The following AK8 variants were observed in gnomAD, a reference collection of about 807,000 sequenced individuals.
AK8 encodes the protein adenylate kinase 8.
In AK8, 44 loss-of-function variants were observed where a neutral mutation model predicts 54.6. The observed-to-expected ratio is 0.81, with a 90% confidence interval of 0.63 to 1.04. The LOEUF is 1.04. AK8 is among the 50% of genes least tolerant of loss of function. The pLI is 0.00. For missense variants in AK8, 555 were observed against 613.6 expected (o/e 0.90, Z 1.01); for synonymous variants, 239 against 245.6 (o/e 0.97, Z 0.25).
At chr9:132,738,438 G>T (rs1837219207) in intron 11 of AK8, among the ~76,000 whole-genome samples, 1 of 152,148 alleles carries the variant, frequency 6.6e-6, no homozygotes, top group South Asian at 2.1e-4. Flanking sequence ...ATTTAAAAAA[G>T]TTTTAAAACC....
At chr9:132,739,143 G>A (rs182751831) in intron 11 of AK8, among the ~76,000 whole-genome samples, 1 of 151,624 alleles carries the variant, frequency 6.6e-6, no homozygotes, top group East Asian at 2.0e-4. Context: ...GAAAAAGACT[G>A]CAACATTAAG....
intron 11 of AK8, among the ~76,000 whole-genome samples, chr9:132,774,403 A>C (rs890460270): frequency 1.3e-5 from 2 of 152,094 alleles, no homozygotes; most frequent in Non-Finnish European, 2.9e-5. Flanking sequence ...TTATATATTA[A>C]ATAATTTCTG....
chr9:132,789,647 A>G (rs1839866595), intron 11 of AK8, among the ~76,000 whole-genome samples: 1 of 150,956 alleles, frequency 6.6e-6, no homozygotes, highest in South Asian at 2.1e-4. Context: ...AAAAAAAGAT[A>G]CTCAAATTTA....
intron 8 of AK8, among the ~76,000 whole-genome samples, chr9:132,823,928 G>A (rs1003866702): frequency 2.0e-5 from 3 of 152,210 alleles, no homozygotes; most frequent in African/African-American, 4.8e-5. Context: ...ACTTTGTTGC[G>A]ACTCTCCAAA....
In AK8 at chr9:132,878,264, C is replaced by T. The variant is rs1423147531; in HGVS notation, c.-9G>A. 7.4e-7 allele frequency: 1 copy of T among 1,356,798 alleles called. No homozygotes were observed. The allele number at this position is 1,356,798 out of a possible 1,614,324, so 84.0% of individuals were successfully genotyped here. On this transcript the variant is annotated 5_prime_UTR_variant, in exon 1 of 13. Coordinates refer to ENST00000298545, the MANE Select transcript of AK8 (RefSeq NM_152572.3). The surrounding 1 kb of genome is among the most constrained non-coding windows in gnomAD (Gnocchi z 4.7). ...GCGATAGTGGCGTCCATGTAGCCGT[C>T]TCGGCTCGCCGCTCCCTAGTAACCG... is the stretch of plus-strand genomic sequence containing the variant.
At chr9:132,855,120 C>T (rs1453605166) in intron 4 of AK8, among the ~76,000 whole-genome samples, 195 bp from the exon 5 acceptor site, 2 of 152,138 alleles carry the variant, frequency 1.3e-5, no homozygotes, top group Non-Finnish European at 2.9e-5. Flanking sequence ...GGGCCTCCCT[C>T]ACACATGTAC....
At chr9:132,818,581 C>G (rs544448126) in intron 9 of AK8, among the ~76,000 whole-genome samples, 1 of 151,774 alleles carries the variant, frequency 6.6e-6, no homozygotes, top group South Asian at 2.1e-4. Context: ...AGAGATATGG[C>G]TAAAAAGGAA....
At chr9:132,829,599 T>TAA (rs35603781) in intron 5 of AK8, among the ~76,000 whole-genome samples, 84 of 148,370 alleles carry the variant, frequency 5.7e-4, no homozygotes, top group East Asian at 3.5e-3. Context: ...CCATTTTTCT[T>TAA]AAAAAAAAAA....
chr9:132,735,150 C>T (rs563959064), intron 11 of AK8, among the ~76,000 whole-genome samples: 1 of 152,314 alleles, frequency 6.6e-6, no homozygotes, highest in East Asian at 1.9e-4. Context: ...GGGGTTCATA[C>T]TCTGTCACTC....
At chr9:132,823,390 C>A (rs889782133) in intron 8 of AK8, 54 bp from the exon 9 acceptor site, 1 of 1,607,510 alleles carries the variant, frequency 6.2e-7, no homozygotes, top group Non-Finnish European at 8.5e-7. Flanking sequence ...AACAGGAAAC[C>A]CGCTTGCAGC....
chr9:132,846,169 T>C (rs923394175), intron 5 of AK8, among the ~76,000 whole-genome samples: 1 of 152,154 alleles, frequency 6.6e-6, no homozygotes, highest in African/African-American at 2.4e-5. Context: ...TTACACGAAA[T>C]AGTACTGTTT....
intron 11 of AK8, among the ~76,000 whole-genome samples, chr9:132,780,341 C>T (rs912363360): frequency 4.6e-5 from 7 of 152,198 alleles, no homozygotes; most frequent in Admixed American, 1.3e-4. Flanking sequence ...GCGCTGAGTG[C>T]GGAAGTGACA....
chr9:132,846,698 A>T (rs1842767192), intron 5 of AK8, among the ~76,000 whole-genome samples: 1 of 152,204 alleles, frequency 6.6e-6, no homozygotes, highest in South Asian at 2.1e-4. Flanking sequence ...GACAGGGAGT[A>T]GATAGGCTTT....
chr9:132,772,847 T>G (rs999218098), intron 11 of AK8, among the ~76,000 whole-genome samples: 2 of 152,140 alleles, frequency 1.3e-5, no homozygotes, highest in African/African-American at 4.8e-5. Flanking sequence ...AATTCTACCT[T>G]CAAAAGACTT....
chr9:132,744,022 C>T (rs1837520763), intron 11 of AK8, among the ~76,000 whole-genome samples: 1 of 152,230 alleles, frequency 6.6e-6, no homozygotes. Flanking sequence ...GGAACTCAAG[C>T]CAGCTAGCGG....
intron 11 of AK8, among the ~76,000 whole-genome samples, chr9:132,730,999 C>T (rs1216142438): frequency 1.3e-5 from 2 of 152,160 alleles, no homozygotes; most frequent in Non-Finnish European, 2.9e-5. Flanking sequence ...CACCTTGGCC[C>T]CCTCGCCTCC....
chr9:132,811,464 G>A (rs145338473), intron 10 of AK8, among the ~76,000 whole-genome samples: 5 of 152,340 alleles, frequency 3.3e-5, no homozygotes, highest in African/African-American at 1.2e-4. Flanking sequence ...CAAAGCATGG[G>A]GATGGCCCCC....
chr9:132,782,774 G>A (rs982178170), intron 11 of AK8, among the ~76,000 whole-genome samples: 2 of 152,210 alleles, frequency 1.3e-5, no homozygotes, highest in Non-Finnish European at 2.9e-5. Context: ...AGGAAGAACA[G>A]AGGGTGGACA....
intron 8 of AK8, among the ~76,000 whole-genome samples, chr9:132,824,634 A>G (rs1373434015): frequency 1.3e-5 from 2 of 152,210 alleles, no homozygotes; most frequent in African/African-American, 4.8e-5. Context: ...ACCTTTACAG[A>G]CATTGCCAAA....
Sources: gnomAD v4.1 joint callset for allele counts (sites outside exome capture counted in the v4.1 genomes callset) on GRCh38, gnomAD v4.1.1 for gene constraint, Gnocchi (gnomAD v3.1) non-coding constraint, MANE v1.5 for transcripts, NCBI Gene and HGNC (gene_info 2026-07-23, HGNC 2026-07-21) for gene names.